Variants in SRRM4 observed in about 807,000 individuals in gnomAD.
The protein encoded by SRRM4 is serine/arginine repetitive matrix 4, also known as serine/arginine repetitive matrix protein 4.
Under a neutral mutation model 68.9 loss-of-function variants are expected in SRRM4, and 33 were observed. The ratio of observed to expected loss-of-function variants is 0.48; its 90% confidence interval spans 0.36 to 0.64. The LOEUF (loss-of-function observed/expected upper bound fraction) is 0.64, where lower values mean the gene tolerates loss of function less well. SRRM4 is among the 30% of genes least tolerant of loss of function. The probability of loss-of-function intolerance (pLI) is 0.00; values close to 1 mark genes in which losing one functional copy is unlikely to be tolerated. For missense variants in SRRM4, 817 were observed against 827.1 expected, an observed-to-expected ratio of 0.99 and a Z score of 0.15; for synonymous variants, 318 against 318.8, an observed-to-expected ratio of 1.00 and a Z score of 0.03.
intron 1 of SRRM4, among the ~76,000 whole-genome samples, chr12:119,068,384 C>G (rs1174976801): frequency 6.6e-6 from 1 of 152,122 alleles, no homozygotes; most frequent in Non-Finnish European, 1.5e-5. Flanking sequence ...AGCTGCAGGA[C>G]AAAAAGGGAG....
chr12:119,101,312 C>A (rs1954076519), intron 1 of SRRM4, among the ~76,000 whole-genome samples: 1 of 152,030 alleles, frequency 6.6e-6, no homozygotes, highest in Non-Finnish European at 1.5e-5. Flanking sequence ...GCTGAGTAAC[C>A]AGGCAACTTC....
At chr12:119,075,900 C>CGATGATGTT in intron 1 of SRRM4, among the ~76,000 whole-genome samples, 1 of 79,066 alleles carries the variant, frequency 1.3e-5, no homozygotes, top group Non-Finnish European at 3.2e-5. Context: ...ATGATGGTAG[C>CGATGATGTT]GATGATGGTG....
intron 1 of SRRM4, among the ~76,000 whole-genome samples, chr12:118,988,634 G>C (rs1289392577): frequency 1.3e-5 from 2 of 152,038 alleles, no homozygotes; most frequent in African/African-American, 4.8e-5. Context: ...CTGCACGTTG[G>C]CTAAAAAAAA....
chr12:118,994,044 A>G (rs995493598), intron 1 of SRRM4: 1 of 152,136 alleles, frequency 6.6e-6, no homozygotes, highest in Admixed American at 6.5e-5. Context: ...GGGATGGTAA[A>G]CCGGCCTAGG....
At chr12:119,001,248 A>T (rs1953382107) in intron 1 of SRRM4, 1 of 152,274 alleles carries the variant, frequency 6.6e-6, no homozygotes, top group Admixed American at 6.5e-5. Flanking sequence ...AAAGTGAACA[A>T]CGTTGGAGAG....
intron 1 of SRRM4, among the ~76,000 whole-genome samples, chr12:119,014,430 T>C (rs922486400): frequency 2.0e-5 from 3 of 152,196 alleles, no homozygotes; most frequent in Middle Eastern, 3.4e-3. Context: ...CTGTAACAGA[T>C]GGAGAGCTAT....
chr12:119,085,638 T>C (rs1410797551), intron 1 of SRRM4, among the ~76,000 whole-genome samples: 1 of 152,228 alleles, frequency 6.6e-6, no homozygotes, highest in African/African-American at 2.4e-5. Context: ...TTTTGGGGGC[T>C]CTGCACAAGA....
At chr12:119,109,724 C>G (rs557585821) in intron 2 of SRRM4, among the ~76,000 whole-genome samples, 1 of 152,126 alleles carries the variant, frequency 6.6e-6, no homozygotes, top group Admixed American at 6.5e-5. Flanking sequence ...TTCGTCTAAT[C>G]TTTTTTCAAG....
At chr12:119,149,022 C>T (rs890374027) in intron 9 of SRRM4, among the ~76,000 whole-genome samples, 1 of 152,078 alleles carries the variant, frequency 6.6e-6, no homozygotes, top group South Asian at 2.1e-4. Flanking sequence ...AATAACAAAC[C>T]CTTCTGAGAC....
At chr12:119,075,026 C>T (rs1020049845) in intron 1 of SRRM4, among the ~76,000 whole-genome samples, 11 of 152,268 alleles carry the variant, frequency 7.2e-5, no homozygotes, top group South Asian at 2.1e-4. Context: ...TCCAAGGGAA[C>T]GGGGATTTGA....
intron 1 of SRRM4, among the ~76,000 whole-genome samples, chr12:119,003,023 G>A (rs939189376): frequency 5.9e-5 from 9 of 151,818 alleles, no homozygotes; most frequent in African/African-American, 2.2e-4. Flanking sequence ...GGAGCTCAGA[G>A]GGGTGACAAC....
chr12:119,142,987 T>C (rs1312971036), intron 8 of SRRM4, among the ~76,000 whole-genome samples: 1 of 152,228 alleles, frequency 6.6e-6, no homozygotes, highest in Non-Finnish European at 1.5e-5. Context: ...TCTAGAAAAC[T>C]CCACCAGAGC....
chr12:119,146,733 G>C (rs1278401168), intron 9 of SRRM4, among the ~76,000 whole-genome samples: 1 of 152,056 alleles, frequency 6.6e-6, no homozygotes, highest in Admixed American at 6.5e-5. Flanking sequence ...TCAGGAGATC[G>C]AGACCATCCT....
chr12:119,075,691 G>A (rs62649110), intron 1 of SRRM4, among the ~76,000 whole-genome samples: 76,926 of 143,256 alleles, frequency 0.54, 20,450 homozygotes, highest in Middle Eastern at 0.67. Context: ...TGATGGTGAT[G>A]ATGAAGATGG....
intron 9 of SRRM4, among the ~76,000 whole-genome samples, chr12:119,146,591 GA>G (rs200356219): frequency 2.6e-4 from 37 of 140,278 alleles, no homozygotes; most frequent in East Asian, 1.3e-3. Context: ...CATCTCAAAA[GA>G]AAAAAAAAAT....
intron 1 of SRRM4, among the ~76,000 whole-genome samples, chr12:119,029,211 C>T (rs1410215773): frequency 2.0e-5 from 3 of 152,122 alleles, no homozygotes; most frequent in Non-Finnish European, 4.4e-5. Context: ...TCCCTTATTC[C>T]CACTCTAATT....
intron 9 of SRRM4, 29 bp from the exon 10 acceptor site, chr12:119,150,988 G>C (rs79514159): frequency 6.2e-7 from 1 of 1,607,342 alleles, no homozygotes; most frequent in South Asian, 1.1e-5. Flanking sequence ...GTGGGCAGTC[G>C]GTGCTCATGG....
At chr12:119,078,582 A>G (rs377529923) in intron 1 of SRRM4, among the ~76,000 whole-genome samples, 3 of 152,340 alleles carry the variant, frequency 2.0e-5, no homozygotes, top group East Asian at 3.9e-4. Flanking sequence ...GGGGGAGGCT[A>G]TACATCATCC....
intron 8 of SRRM4, among the ~76,000 whole-genome samples, chr12:119,134,317 T>A (rs1954315252): frequency 6.8e-6 from 1 of 147,520 alleles, no homozygotes. Context: ...ACAGTTTACC[T>A]CACACATGGT....
Sources: allele counts gnomAD v4.1 joint callset (sites outside exome capture counted in the v4.1 genomes callset), GRCh38; gene constraint gnomAD v4.1.1; transcripts MANE v1.5; gene names NCBI Gene and HGNC (gene_info 2026-07-23, HGNC 2026-07-21).